The following ZSCAN18 variants were observed in gnomAD, a reference collection of about 807,000 sequenced individuals.
ZSCAN18 encodes the protein zinc finger and SCAN domain-containing protein 18.
A neutral mutation model predicts 31.1 loss-of-function variants in ZSCAN18; 16 were observed. The observed-to-expected ratio is 0.51, with a 90% confidence interval of 0.35 to 0.78. The LOEUF is 0.78. Among genes scored for constraint, ZSCAN18 ranks in the 30% least tolerant of loss-of-function variants. ZSCAN18 has a pLI of 0.01. For missense variants in ZSCAN18, 731 were observed against 697.4 expected (o/e 1.05, Z -0.54); for synonymous variants, 375 against 320.7 (o/e 1.17, Z -1.81).
intron 1 of ZSCAN18, chr19:58,107,480 G>C (rs2074643860): frequency 1.1e-5 from 2 of 186,232 alleles, no homozygotes; most frequent in Admixed American, 6.5e-5. Flanking sequence ...AGAATCGCTT[G>C]AACCCAAGAG....
chr19:58,085,245 C>G lies in ZSCAN18; in HGVS notation c.973G>C (p.Glu325Gln). ...GGGGCCTTCCCAGGCTGCTCTTCCT[C>G]CTCCTCAGTGGTGCCCGACGGGGGA... ...ADPPSGTTEE[E>Q]EEQPGKAPDP... Residue 325 changes from glutamate to glutamine, a missense_variant, in exon 7 of 7, where the codon GAG becomes CAG. Physicochemically the swap from Glu to Gln is conservative, Grantham distance 29. Transcript: ENST00000601144. 1 of 1,606,802 alleles carries G rather than the reference C, an allele frequency of 6.2e-7. No individual in the cohort carries two copies. Among genetic ancestry groups the G allele is most frequent in the Non-Finnish European group, 8.5e-7 (1 of 1,178,890 alleles).
intron 1 of ZSCAN18, among the ~76,000 whole-genome samples, chr19:58,104,038 C>T (rs2146020161): frequency 6.6e-6 from 1 of 152,318 alleles, no homozygotes; most frequent in African/African-American, 2.4e-5. Context: ...GGTCCTGACT[C>T]TCTTCATTTC....
chr19:58,084,851 A>G lies in ZSCAN18; in HGVS notation c.1367T>C (p.Leu456Pro), dbSNP rs1455056246. 6.2e-7 allele frequency: 1 copy of G among 1,600,304 alleles called. No individual in the cohort carries two copies. Among genetic ancestry groups the G allele is most frequent in the East Asian group, 2.3e-5 (1 of 44,420 alleles). Residue 456 changes from leucine (L) to proline (P), a missense_variant, in exon 7 of 7, where the codon CTA (leucine) becomes CCA (proline). By Grantham distance (98) the Leu-to-Pro change is moderately conservative. Coordinates refer to ENST00000601144, the MANE Select transcript of ZSCAN18 (RefSeq NM_001145543.2). This position sits in a 1 kb window ranked among gnomAD's most constrained non-coding sequence, Gnocchi z 4.5. ...CTCGTGGGTCTTCTGGTGCTCGGCTAGGGCCAGGCTGAAGTGGAAGGTCTT... is the reference window on the plus strand; with the variant it reads ...CTCGTGGGTCTTCTGGTGCTCGGCTGGGGCCAGGCTGAAGTGGAAGGTCTT... Reference protein sequence around the residue: ...CWKTFHFSLALAEHQKTHEKE... With the variant: ...CWKTFHFSLAPAEHQKTHEKE...
upstream of ZSCAN18, chr19:58,098,246 G>A (rs1234728244): frequency 4.1e-6 from 4 of 985,384 alleles, no homozygotes; most frequent in Non-Finnish European, 2.4e-6. Flanking sequence ...GGCAAACTGC[G>A]CCTGCGCACT....
chr19:58,114,421 A>T (rs1179306691), intron 1 of ZSCAN18, among the ~76,000 whole-genome samples: 2 of 128,878 alleles, frequency 1.6e-5, no homozygotes, highest in African/African-American at 2.8e-5. Flanking sequence ...TTATTCTTAG[A>T]ATGTATGTGC....
At chr19:58,105,554 G>A (rs531629057) in intron 1 of ZSCAN18, among the ~76,000 whole-genome samples, 231 of 152,080 alleles carry the variant, frequency 1.5e-3, no homozygotes, top group African/African-American at 4.5e-3. Flanking sequence ...CCAGCTACTC[G>A]GGAGGCTGAG....
At chr19:58,101,869 G>A (rs2074597352), upstream of ZSCAN18, among the ~76,000 whole-genome samples, 1 of 151,544 alleles carries the variant, frequency 6.6e-6, no homozygotes, top group Non-Finnish European at 1.5e-5. Flanking sequence ...TAACCATGCT[G>A]CTAATATTTA....
At chr19:58,087,172 C>T (rs1470513480) in intron 4 of ZSCAN18, 144 bp downstream of exon 4, 1 of 1,042,310 alleles carries the variant, frequency 9.6e-7, no homozygotes, top group Non-Finnish European at 1.4e-6. Flanking sequence ...AGATTCCGCC[C>T]TCACGCTCCC....
chr19:58,089,481 CT>C (rs1351193378), intron 2 of ZSCAN18, among the ~76,000 whole-genome samples: 1 of 151,904 alleles, frequency 6.6e-6, no homozygotes, highest in Non-Finnish European at 1.5e-5. Flanking sequence ...CAAACATTAG[CT>C]GGGCATCGTG....
Position 58,090,136 on chromosome 19 carries a change from G to T in ZSCAN18, c.132C>A (p.Asp44Glu), listed in dbSNP as rs763099786. The T allele has an allele frequency of 1.9e-6, 3 of 1,613,814 alleles. No individual in the cohort carries two copies. Among genetic ancestry groups the T allele is most frequent in the Non-Finnish European group, 2.5e-6 (3 of 1,179,914 alleles). Residue 44 changes from aspartate (D) to glutamate (E), a missense_variant, in exon 2 of 7, where the codon GAC becomes GAA. Physicochemically the swap from Asp to Glu is conservative, Grantham distance 45 (BLOSUM62 2). Transcript: ENST00000601144. This position sits in a 1 kb window ranked among gnomAD's most constrained non-coding sequence, Gnocchi z 4.7. ...GGAAACGCAGGCGGGAGAACTCCAG[G>T]TCAGCAGGGGTCCTCTCAGGGATGG... ...PETIPERTPA[D>E]LEFSRLRFRE...
chr19:58,085,444 CGAGCCTCAGCT>C, intron 6 of ZSCAN18, 65 bp from the exon 7 acceptor site: 1 of 1,393,098 alleles, frequency 7.2e-7, no homozygotes, highest in Non-Finnish European at 9.5e-7. Context: ...AGGACCCAGC[CGAGCCTCAGCT>C]GCCGGAACAG....
Position 58,113,024 on chromosome 19 carries a change from A to T in ZSCAN18, c.130+5243T>A, listed in dbSNP as rs932270828. ...AGAAACACAATTTTCACATAAACAA[A>T]AGGGTCAAGGGCCAGGCGCAGTGGC... is the stretch of plus-strand genomic sequence containing the variant. On this transcript the variant is annotated intron_variant, in intron 1 of 1. Transcript: ENST00000595721. 2.6e-5 allele frequency among the ~76,000 whole-genome samples: 4 copies of T among 151,576 alleles called. No individual in the cohort carries two copies. The South Asian group carries it at 8.3e-4, about 32-fold the overall frequency.
intron 1 of ZSCAN18, among the ~76,000 whole-genome samples, chr19:58,115,853 A>T (rs552376008): frequency 6.6e-6 from 1 of 152,222 alleles, no homozygotes; most frequent in Non-Finnish European, 1.5e-5. Context: ...TTGTGTGAAA[A>T]TTTTGAAAAC....
Position 58,084,560 on chromosome 19 carries a change from C to G in ZSCAN18, c.*125G>C. ...CTTAGCCTCAGGAGCGGATTCAGGGCACAGGCAGAGGACGTCCACAAACAC... is the reference window on the plus strand; with the variant it reads ...CTTAGCCTCAGGAGCGGATTCAGGGGACAGGCAGAGGACGTCCACAAACAC... On this transcript the variant is annotated 3_prime_UTR_variant, in exon 7 of 7. Coordinates refer to ENST00000601144, the MANE Select transcript of ZSCAN18 (RefSeq NM_001145543.2). This position sits in a 1 kb window ranked among gnomAD's most constrained non-coding sequence, Gnocchi z 4.5. 1.0e-6 allele frequency: 1 copy of G among 979,812 alleles called. No homozygotes were observed. Among genetic ancestry groups the G allele is most frequent in the African/African-American group, 1.7e-5 (1 of 58,446 alleles). 60.7% of individuals were successfully genotyped at this position (979,812 alleles called of 1,614,324 possible).
chr19:58,112,293 C>T (rs1757637309), intron 1 of ZSCAN18, among the ~76,000 whole-genome samples: 1 of 152,228 alleles, frequency 6.6e-6, no homozygotes, highest in South Asian at 2.1e-4. Flanking sequence ...TTTCGGCCTC[C>T]CAAAATGTCC....
chr19:58,098,000 C>T, intron 1 of ZSCAN18, 174 bp downstream of exon 1: 2 of 985,832 alleles, frequency 2.0e-6, no homozygotes, highest in South Asian at 4.7e-5. Context: ...GCCCCGCACT[C>T]CACGCGAAGG....
At chr19:58,086,587 A>G in intron 5 of ZSCAN18, 1 of 469,602 alleles carries the variant, frequency 2.1e-6, no homozygotes, top group East Asian at 3.4e-5. Flanking sequence ...TCTACAAAAG[A>G]GGAGACCCTT....
intron 1 of ZSCAN18, among the ~76,000 whole-genome samples, chr19:58,113,468 C>G (rs1403352364): frequency 6.6e-6 from 1 of 152,066 alleles, no homozygotes. Flanking sequence ...TTTGCATTGC[C>G]ATGGTGAAGT....
At position 58,085,009 on chromosome 19, in the gene ZSCAN18, G is replaced by A. The variant is rs1451098465; in HGVS notation, c.1209C>T (p.Asp403=). The change falls in exon 7 of 7, where the codon GAC becomes GAT. Residue 403 remains aspartate, a synonymous_variant. Transcript: ENST00000601144. ...GCTTCCCGCGGGACAAGCCCGGCTC[G>A]TCAGCCCCAGGGCCCTGCCCGGCCT... is the stretch of plus-strand genomic sequence containing the variant. ...GLEAGQGPGA[D]EPGLSRGKPY... The A allele has an allele frequency of 1.9e-6, 3 of 1,591,876 alleles. No individual in the cohort carries two copies. Among genetic ancestry groups the A allele is most frequent in the Middle Eastern group, 1.7e-4 (1 of 5,970 alleles).
Sources: allele counts gnomAD v4.1 joint callset (sites outside exome capture counted in the v4.1 genomes callset), GRCh38; gene constraint gnomAD v4.1.1; non-coding constraint Gnocchi (gnomAD v3.1); transcripts MANE v1.5; gene names NCBI Gene and HGNC (gene_info 2026-07-23, HGNC 2026-07-21).